Variants in SDC2 observed in about 807,000 individuals in gnomAD.
SDC2 encodes syndecan 2, also known as syndecan-2.
A neutral mutation model predicts 22.2 loss-of-function variants in SDC2; 13 were observed. That is an observed-to-expected ratio of 0.59 (90% confidence interval 0.38 to 0.93). The LOEUF (loss-of-function observed/expected upper bound fraction) is 0.93. Ranked by LOEUF, SDC2 falls within the 40% of genes least tolerant of loss-of-function variation. The pLI is 0.00. For missense variants in SDC2, 235 were observed against 246.8 expected, an observed-to-expected ratio of 0.95 and a Z score of 0.32; for synonymous variants, 94 against 92.8, an observed-to-expected ratio of 1.01 and a Z score of -0.07.
At chr8:96,536,229 A>G (rs1021558189) in intron 1 of SDC2, among the ~76,000 whole-genome samples, 1 of 152,104 alleles carries the variant, frequency 6.6e-6, no homozygotes, top group Non-Finnish European at 1.5e-5. Context: ...GGAATAACCA[A>G]GTGAAGGGAG....
chr8:96,541,207 G>A (rs1276355132), intron 1 of SDC2, among the ~76,000 whole-genome samples: 1 of 152,028 alleles, frequency 6.6e-6, no homozygotes, highest in East Asian at 1.9e-4. Context: ...GAGGCAGGCA[G>A]ATCACGAGGT....
chr8:96,551,017 T>G (rs546530897), intron 1 of SDC2, among the ~76,000 whole-genome samples: 1 of 152,294 alleles, frequency 6.6e-6, no homozygotes, highest in Admixed American at 6.5e-5. Context: ...GCTTGGAACT[T>G]GCCTCCTGCC....
At chr8:96,578,607 C>T (rs1814541395) in intron 1 of SDC2, among the ~76,000 whole-genome samples, 1 of 152,180 alleles carries the variant, frequency 6.6e-6, no homozygotes, top group African/African-American at 2.4e-5. Flanking sequence ...GCTCAGAGGT[C>T]TGTTTGCTGA....
intron 1 of SDC2, among the ~76,000 whole-genome samples, chr8:96,530,431 C>T (rs899277025): frequency 1.3e-5 from 2 of 152,202 alleles, no homozygotes; most frequent in South Asian, 2.1e-4. Flanking sequence ...ATCAGGAGTT[C>T]GAGATCAGCC....
At chr8:96,553,363 ATAAT>A (rs2130542706) in intron 1 of SDC2, among the ~76,000 whole-genome samples, 1 of 152,216 alleles carries the variant, frequency 6.6e-6, no homozygotes, top group African/African-American at 2.4e-5. Context: ...GATTTTAAAA[ATAAT>A]TTTGAAGATA....
intron 1 of SDC2, among the ~76,000 whole-genome samples, chr8:96,505,589 C>T (rs577499258): frequency 1.8e-4 from 27 of 152,294 alleles, no homozygotes; most frequent in Admixed American, 1.0e-3. Context: ...CATAAGCCAC[C>T]GCGCCCGGCC....
chr8:96,572,554 A>G (rs1009089783), intron 1 of SDC2, among the ~76,000 whole-genome samples: 3 of 152,092 alleles, frequency 2.0e-5, no homozygotes, highest in Admixed American at 6.5e-5. Flanking sequence ...GGATGGCTAG[A>G]TATTTCCTCA....
chr8:96,588,075 C>T (rs972709180), intron 1 of SDC2, among the ~76,000 whole-genome samples: 2 of 152,268 alleles, frequency 1.3e-5, no homozygotes, highest in African/African-American at 4.8e-5. Context: ...TCCTTTTGAA[C>T]CCGAGGCTGA....
chr8:96,607,312 TG>T (rs1815098076), intron 3 of SDC2, among the ~76,000 whole-genome samples: 2 of 152,088 alleles, frequency 1.3e-5, no homozygotes, highest in Admixed American at 6.6e-5. Context: ...GGATGGGAGC[TG>T]GGCTGTGATG....
chr8:96,583,158 C>T (rs1312431661), intron 1 of SDC2, among the ~76,000 whole-genome samples: 1 of 148,694 alleles, frequency 6.7e-6, no homozygotes, highest in African/African-American at 2.5e-5. Context: ...TACTATGTTG[C>T]CCTGGCTGAT....
At chr8:96,512,382 A>G (rs893925861) in intron 1 of SDC2, among the ~76,000 whole-genome samples, 3 of 151,822 alleles carry the variant, frequency 2.0e-5, no homozygotes, top group Non-Finnish European at 4.4e-5. Flanking sequence ...AGAAAGCACT[A>G]CTCTTTCCTA....
chr8:96,512,668 G>A (rs1813346146), intron 1 of SDC2, among the ~76,000 whole-genome samples: 1 of 152,164 alleles, frequency 6.6e-6, no homozygotes, highest in Non-Finnish European at 1.5e-5. Flanking sequence ...AGTTAGTCAA[G>A]CATGGAATAT....
At chr8:96,520,548 G>C (rs1453598024) in intron 1 of SDC2, among the ~76,000 whole-genome samples, 1 of 152,186 alleles carries the variant, frequency 6.6e-6, no homozygotes, top group Non-Finnish European at 1.5e-5. Flanking sequence ...TGTGGACAGG[G>C]TGTGTGCTTA....
At chr8:96,507,521 A>G (rs1259791692) in intron 1 of SDC2, among the ~76,000 whole-genome samples, 1 of 152,182 alleles carries the variant, frequency 6.6e-6, no homozygotes, top group Non-Finnish European at 1.5e-5. Flanking sequence ...ATGGGAAGAC[A>G]GTTGAGAGGA....
intron 1 of SDC2, among the ~76,000 whole-genome samples, chr8:96,512,160 T>C (rs1813338154): frequency 6.6e-6 from 1 of 152,170 alleles, no homozygotes; most frequent in Non-Finnish European, 1.5e-5. Context: ...ATTTGCAGCA[T>C]AGTCACGTGG....
intron 1 of SDC2, among the ~76,000 whole-genome samples, chr8:96,496,537 A>G (rs913603159): frequency 5.9e-5 from 9 of 152,226 alleles, no homozygotes; most frequent in Admixed American, 4.6e-4. Context: ...ATTACTTTTC[A>G]GTCTCCGTTT....
At chr8:96,582,274 C>T (rs1406278227) in intron 1 of SDC2, among the ~76,000 whole-genome samples, 1 of 152,194 alleles carries the variant, frequency 6.6e-6, no homozygotes, top group Non-Finnish European at 1.5e-5. Flanking sequence ...GAACCCAGGG[C>T]TATGAGTCTT....
intron 2 of SDC2, among the ~76,000 whole-genome samples, chr8:96,600,381 A>C (rs1235055436): frequency 2.0e-5 from 3 of 152,238 alleles, no homozygotes; most frequent in African/African-American, 7.2e-5. Flanking sequence ...ACTTAAAAGG[A>C]ATGTTGTATT....
chr8:96,545,380 A>G (rs1011537417), intron 1 of SDC2, among the ~76,000 whole-genome samples: 3 of 152,276 alleles, frequency 2.0e-5, no homozygotes, highest in African/African-American at 7.2e-5. Flanking sequence ...CCTTCCCCCA[A>G]CAAGGTAATT....
Sources: gnomAD v4.1 joint callset for allele counts (sites outside exome capture counted in the v4.1 genomes callset) on GRCh38, gnomAD v4.1.1 for gene constraint, MANE v1.5 for transcripts, NCBI Gene and HGNC (gene_info 2026-07-23, HGNC 2026-07-21) for gene names.